The following TCERG1L variants were observed in gnomAD, a reference collection of about 807,000 sequenced individuals.
TCERG1L encodes transcription elongation regulator 1-like protein.
Under a neutral mutation model 56.3 loss-of-function variants are expected in TCERG1L, and 37 were observed. The observed-to-expected ratio is 0.66, with a 90% CI of 0.51 to 0.87. The LOEUF (loss-of-function observed/expected upper bound fraction) is 0.87. TCERG1L is among the 40% of genes least tolerant of loss of function. TCERG1L has a pLI of 0.00. For synonymous variants in TCERG1L, 324 were observed against 326.3 expected, an observed-to-expected ratio of 0.99 and a Z score of 0.08; for missense variants, 799 against 774.2, an observed-to-expected ratio of 1.03 and a Z score of -0.38.
Position 131,163,193 on chromosome 10 carries a change from C to G in TCERG1L, c.963G>C (p.Leu321=), listed in dbSNP as rs143934935. The G allele has an allele frequency of 7.7e-6, 12 of 1,556,604 alleles. No individual in the cohort carries two copies. The African/African-American group carries it at 1.6e-4, about 21-fold the overall frequency. The change falls in exon 6 of 12, where the codon CTG becomes CTC. Residue 321 remains leucine (L), a synonymous_variant. Coordinates refer to ENST00000368642, the MANE Select transcript of TCERG1L (RefSeq NM_174937.4). ...DKEDKEPPPM[L]GGGEDSTARG... ...TGGCTGTGCTGTCCTCTCCTCCCCC[C>G]AGCATCGGTGGAGGCTCCTTTCAAC...
chr10:131,228,242 C>A, intron 4 of TCERG1L, among the ~76,000 whole-genome samples: 1 of 123,006 alleles, frequency 8.1e-6, no homozygotes, highest in East Asian at 2.7e-4. Flanking sequence ...CGGAGTCTCC[C>A]CTCCAGACAG....
chr10:131,133,014 A>G (rs1388436623), intron 8 of TCERG1L, among the ~76,000 whole-genome samples: 1 of 152,118 alleles, frequency 6.6e-6, no homozygotes, highest in Non-Finnish European at 1.5e-5. Flanking sequence ...TGGGGAAGAC[A>G]CTGTTATTCT....
intron 4 of TCERG1L, among the ~76,000 whole-genome samples, chr10:131,225,316 G>C (rs1486547702): frequency 1.3e-5 from 2 of 152,300 alleles, no homozygotes; most frequent in Middle Eastern, 3.4e-3. Flanking sequence ...CTGCCACACA[G>C]GCTGGAAAAG....
Position 131,247,981 on chromosome 10 carries a change from CAT to C in TCERG1L, c.856+12276_856+12277del, listed in dbSNP as rs199743533. Among the ~76,000 whole-genome samples, 826 of 149,326 alleles carry C rather than the reference CAT, an allele frequency of 5.5e-3. 14 individuals carry two copies. Among genetic ancestry groups the C allele is most frequent in the East Asian group, 0.054 (269 of 5,018 alleles). On this transcript the variant is annotated intron_variant, in intron 4 of 11. Coordinates refer to ENST00000368642, the MANE Select transcript of TCERG1L (RefSeq NM_174937.4). ...CACTAAATTCACACCCACATACCCA[CAT>C]GACTCAGGTGCACATACACACACAC...
intron 4 of TCERG1L, among the ~76,000 whole-genome samples, chr10:131,182,312 A>G (rs1262577907): frequency 6.6e-6 from 1 of 152,198 alleles, no homozygotes; most frequent in Admixed American, 6.5e-5. Context: ...TTAAAGTTAC[A>G]CCAAAGACTG....
At chr10:131,169,750 G>T (rs977609047) in intron 4 of TCERG1L, among the ~76,000 whole-genome samples, 10 of 152,154 alleles carry the variant, frequency 6.6e-5, no homozygotes, top group Admixed American at 2.6e-4. Flanking sequence ...TAGCAGAAAT[G>T]CACGTCTGTA....
intron 4 of TCERG1L, among the ~76,000 whole-genome samples, chr10:131,195,189 A>G (rs1845345420): frequency 6.6e-6 from 1 of 152,200 alleles, no homozygotes; most frequent in Non-Finnish European, 1.5e-5. Flanking sequence ...GCATGACATG[A>G]GATCATCTTA....
At position 131,203,915 on chromosome 10, in the gene TCERG1L, G is replaced by A. The variant is rs60830869; in HGVS notation, c.857-37030C>T. Among the ~76,000 whole-genome samples the A allele has an allele frequency of 4.8e-3, 727 of 152,312 alleles. 4 individuals carry two copies. The highest frequency in any genetic ancestry group is 0.016 in the African/African-American group (664 of 41,570). On this transcript the variant is annotated intron_variant, in intron 4 of 11. Transcript: ENST00000368642. ...AGGGGAGAGGCGTGATGTCACATTA[G>A]GTCACACTAGGGCATGAATACGTGA...
intron 3 of TCERG1L, among the ~76,000 whole-genome samples, chr10:131,272,390 T>A (rs1192821623): frequency 6.6e-6 from 1 of 152,216 alleles, no homozygotes; most frequent in Non-Finnish European, 1.5e-5. Flanking sequence ...CTGAAAGGCA[T>A]CCAATGCCTG....
rs1409289959 is a variant in TCERG1L at position 131,309,162 on chromosome 10, A to T, written c.480T>A (p.Pro160=). The change falls in exon 2 of 12, where the codon CCT becomes CCA. Residue 160 remains proline (P), a synonymous_variant. Transcript: ENST00000368642. ...TCACTTGCGTTTTTACCTTACAGTTAGGAATCCTTTTGTCTATCCAACTTT... is the reference window on the plus strand; with the variant it reads ...TCACTTGCGTTTTTACCTTACAGTTTGGAATCCTTTTGTCTATCCAACTTT... ...IGKSWIDKRI[P]NCKIFFNNSF... is the part of the protein sequence containing the mutation. 1.2e-6 allele frequency: 2 copies of T among 1,609,482 alleles called. No individual in the cohort carries two copies. The highest frequency in any genetic ancestry group is 2.2e-5 in the South Asian group (2 of 90,532).
At chr10:131,235,255 T>C (rs948311490) in intron 4 of TCERG1L, among the ~76,000 whole-genome samples, 6 of 152,228 alleles carry the variant, frequency 3.9e-5, no homozygotes, top group Non-Finnish European at 7.3e-5. Context: ...TCAATGATGA[T>C]GGCAGAATGA....
At chr10:131,285,421 GAGAGAGAA>G (rs1317769243) in intron 3 of TCERG1L, among the ~76,000 whole-genome samples, 4 of 104,542 alleles carry the variant, frequency 3.8e-5, no homozygotes, top group African/African-American at 6.5e-5. Context: ...GAAAGAGAGA[GAGAGAGAA>G]AGAGAGAAAG....
At chr10:131,294,835 GC>G (rs1287141701) in intron 3 of TCERG1L, among the ~76,000 whole-genome samples, 1 of 150,264 alleles carries the variant, frequency 6.7e-6, no homozygotes, top group African/African-American at 2.5e-5. Flanking sequence ...TGTCTTTTAA[GC>G]CTTTTTTTTT....
At chr10:131,291,916 ATAGAG>A (rs1181292063) in intron 3 of TCERG1L, among the ~76,000 whole-genome samples, 2 of 152,192 alleles carry the variant, frequency 1.3e-5, no homozygotes, top group African/African-American at 4.8e-5. Context: ...TGCTATGTGA[ATAGAG>A]TATTTTCTTC....
At chr10:131,168,235 C>T (rs1296894894) in intron 4 of TCERG1L, among the ~76,000 whole-genome samples, 3 of 152,202 alleles carry the variant, frequency 2.0e-5, no homozygotes, top group Non-Finnish European at 4.4e-5. Flanking sequence ...CACGTCTGTG[C>T]TTGAAGGGGG....
chr10:131,218,000 C>T (rs909639145), intron 4 of TCERG1L, among the ~76,000 whole-genome samples: 5 of 152,042 alleles, frequency 3.3e-5, no homozygotes, highest in South Asian at 2.1e-4. Flanking sequence ...CTGGGATTAC[C>T]GGCGTGAGCC....
chr10:131,153,136 G>T (rs1023896375), intron 6 of TCERG1L, among the ~76,000 whole-genome samples: 14 of 152,182 alleles, frequency 9.2e-5, no homozygotes, highest in African/African-American at 3.4e-4. Context: ...GAGCAGCAGA[G>T]TTGAGAGTCC....
At chr10:131,210,015 A>G (rs1442434166) in intron 4 of TCERG1L, among the ~76,000 whole-genome samples, 2 of 152,228 alleles carry the variant, frequency 1.3e-5, no homozygotes, top group Non-Finnish European at 2.9e-5. Context: ...TACCAAAAGA[A>G]GCAAGTTTCT....
chr10:131,230,835 G>A (rs1365453044), intron 4 of TCERG1L, among the ~76,000 whole-genome samples: 1 of 152,216 alleles, frequency 6.6e-6, no homozygotes, highest in Admixed American at 6.5e-5. Flanking sequence ...CCAGGCAGGC[G>A]GCTCTGGACA....
Sources: gnomAD v4.1 joint callset for allele counts (sites outside exome capture counted in the v4.1 genomes callset) on GRCh38, gnomAD v4.1.1 for gene constraint, MANE v1.5 for transcripts, NCBI Gene and HGNC (gene_info 2026-07-23, HGNC 2026-07-21) for gene names.